CA6: variants seen among roughly 807,000 people sequenced by gnomAD.
CA6 encodes carbonate dehydratase VI.
CA6 carries 28 observed loss-of-function variants against 35.9 expected under a neutral mutation model. The observed-to-expected ratio is 0.78, with a 90% confidence interval of 0.58 to 1.07. The LOEUF (loss-of-function observed/expected upper bound fraction) is 1.07. CA6 is among the 50% of genes least tolerant of loss of function. CA6 has a pLI of 0.00. For missense variants in CA6, 377 were observed against 382.0 expected (o/e 0.99, Z 0.11); for synonymous variants, 148 against 152.6 (o/e 0.97, Z 0.22).
At chr1:8,969,650 G>GAT (rs1302614928) in intron 6 of CA6, among the ~76,000 whole-genome samples, 2 of 152,010 alleles carry the variant, frequency 1.3e-5, no homozygotes, top group African/African-American at 2.4e-5. Flanking sequence ...TGGGTGTGTA[G>GAT]ATATGTGTGT....
intron 2 of CA6, among the ~76,000 whole-genome samples, chr1:8,954,478 T>C (rs1326221809): frequency 6.6e-6 from 1 of 151,978 alleles, no homozygotes; most frequent in African/African-American, 2.4e-5. Flanking sequence ...TCCTTTATTT[T>C]CTTAATAAAC....
intron 1 of CA6, among the ~76,000 whole-genome samples, 181 bp from the exon 2 acceptor site, chr1:8,949,082 T>C (rs1423965110): frequency 6.6e-6 from 1 of 151,752 alleles, no homozygotes; most frequent in East Asian, 1.9e-4. Context: ...AACACCAGAG[T>C]CCTTGGAGTT....
intron 1 of CA6, among the ~76,000 whole-genome samples, chr1:8,946,398 G>T (rs1639365779): frequency 1.3e-5 from 2 of 151,962 alleles, no homozygotes; most frequent in Non-Finnish European, 2.9e-5. Context: ...TTGGGGGTCT[G>T]CTCATTGTGG....
rs1490934294 is a variant in CA6, at chr1:8,948,877, G to A, written c.80-386G>A. On this transcript the variant is annotated intron_variant, in intron 1 of 7. Coordinates refer to ENST00000377443, the MANE Select transcript of CA6 (RefSeq NM_001215.4). ...CCCAGCTACTCCGGAGGCTGATGCCGGATAATCTCTTGAATCTGGGAGGCA... is the reference window on the plus strand; with the variant it reads ...CCCAGCTACTCCGGAGGCTGATGCCAGATAATCTCTTGAATCTGGGAGGCA... Among the ~76,000 whole-genome samples the A allele has an allele frequency of 7.9e-5, 12 of 151,748 alleles. No individual in the cohort carries two copies. In the South Asian group the frequency reaches 1.0e-3, roughly 13 times the overall value.
intron 2 of CA6, among the ~76,000 whole-genome samples, chr1:8,955,184 G>A (rs993432106): frequency 6.6e-6 from 1 of 152,138 alleles, no homozygotes; most frequent in Non-Finnish European, 1.5e-5. Flanking sequence ...AGACCAGCCT[G>A]GGCAACATGG....
In CA6 at chr1:8,973,724, CTTTCTT is replaced by C. The variant is rs901943998; in HGVS notation, c.845-896_845-891del. Among the ~76,000 whole-genome samples, 3 of 15,870 alleles carry C rather than the reference CTTTCTT, an allele frequency of 1.9e-4. No homozygotes were observed. The Admixed American group carries it at 2.2e-3, about 12-fold the overall frequency. 10.4% of individuals were successfully genotyped at this position (15,870 alleles called of 152,430 possible). Reference sequence around the variant, plus strand: ...TTTCTTTCTCTCTCTTTCTTTCTTTCTTTCTTTCTTTCTTTCTTTCTTTCTTTCTTT... The same window carrying C: ...TTTCTTTCTCTCTCTTTCTTTCTTTCTCTTTCTTTCTTTCTTTCTTTCTTT... On this transcript the variant is annotated intron_variant, in intron 7 of 7. Transcript: ENST00000377443.
At chr1:8,962,699 G>A (rs1239833128) in intron 5 of CA6, 43 bp downstream of exon 5, 3 of 1,492,454 alleles carry the variant, frequency 2.0e-6, no homozygotes, top group Non-Finnish European at 2.8e-6. Flanking sequence ...AGGGGAATGA[G>A]TGTGAGTGTG....
intron 7 of CA6, among the ~76,000 whole-genome samples, chr1:8,971,726 C>T (rs1281308441): frequency 6.6e-6 from 1 of 152,232 alleles, no homozygotes; most frequent in Non-Finnish European, 1.5e-5. Flanking sequence ...GTTAACTAGA[C>T]CACATATTGT....
At position 8,974,824 on chromosome 1, in the gene CA6, G is replaced by C. The variant is rs1460873818; in HGVS notation, c.*120G>C. 1.7e-6 allele frequency: 1 copy of C among 578,594 alleles called. No homozygotes were observed. Among genetic ancestry groups the C allele is most frequent in the Admixed American group, 3.7e-5 (1 of 27,190 alleles). 35.8% of individuals were successfully genotyped at this position (578,594 alleles called of 1,614,324 possible). ...AAACCATGTGTGTCTGGAACACGCTGCTCCCCCTGGGGCAGCTGTTGGGAT... is the reference window on the plus strand; with the variant it reads ...AAACCATGTGTGTCTGGAACACGCTCCTCCCCCTGGGGCAGCTGTTGGGAT... On this transcript the variant is annotated 3_prime_UTR_variant, in exon 8 of 8. Coordinates refer to ENST00000377443, the MANE Select transcript of CA6 (RefSeq NM_001215.4).
chr1:8,961,526 ATT>A (rs1252115369), intron 4 of CA6, among the ~76,000 whole-genome samples: 1 of 152,222 alleles, frequency 6.6e-6, no homozygotes, highest in Non-Finnish European at 1.5e-5. Context: ...TATGGTAATC[ATT>A]TGAGCAACCA....
chr1:8,965,584 CATTCCTTTTA>C (rs1639947961), intron 5 of CA6, among the ~76,000 whole-genome samples: 1 of 151,998 alleles, frequency 6.6e-6, no homozygotes, highest in Non-Finnish European at 1.5e-5. Context: ...ATCAGAATTT[CATTCCTTTTA>C]AAGGCTGAAG....
intron 2 of CA6, among the ~76,000 whole-genome samples, chr1:8,949,755 C>T (rs1005335339): frequency 6.6e-6 from 1 of 152,180 alleles, no homozygotes; most frequent in Non-Finnish European, 1.5e-5. Flanking sequence ...TGAAGCCACC[C>T]TTCCCACGGG....
chr1:8,962,635 CT>C lies in CA6; in HGVS notation c.551del (p.Leu184ArgfsTer13). 6.2e-7 allele frequency: 1 copy of C among 1,613,844 alleles called. No individual in the cohort carries two copies. Among genetic ancestry groups the C allele is most frequent in the Admixed American group, 1.7e-5 (1 of 60,016 alleles). ...TTATTACAGCAACTTCATTTCTCAT[CT>C]GGCCAACATCAAGTACCCAGGTAAG... Reference protein sequence around the residue: ...NTYYSNFISHLANIKYPGQRT... With the variant: ...NTYYSNFISHXANIKYPGQRT... On this transcript the variant is annotated frameshift_variant, in exon 5 of 8. Coordinates refer to ENST00000377443, the MANE Select transcript of CA6 (RefSeq NM_001215.4). LOFTEE classifies it high-confidence loss of function.
intron 2 of CA6, among the ~76,000 whole-genome samples, chr1:8,956,786 C>A (rs1639695584): frequency 6.6e-6 from 1 of 152,254 alleles, no homozygotes; most frequent in Non-Finnish European, 1.5e-5. Flanking sequence ...AGCCCATTGG[C>A]CATAATTTTT....
intron 7 of CA6, among the ~76,000 whole-genome samples, chr1:8,973,989 A>G (rs991811230): frequency 3.3e-5 from 5 of 151,704 alleles, no homozygotes; most frequent in African/African-American, 9.7e-5. Flanking sequence ...ACACCCAGCT[A>G]ATTTTTGTAT....
intron 4 of CA6, among the ~76,000 whole-genome samples, chr1:8,959,230 C>T (rs1639769573): frequency 6.6e-6 from 1 of 152,124 alleles, no homozygotes; most frequent in South Asian, 2.1e-4. Context: ...GCTGGAATCC[C>T]AGAGGGGTTG....
At chr1:8,966,189 A>T (rs2124181477) in intron 5 of CA6, among the ~76,000 whole-genome samples, 1 of 152,098 alleles carries the variant, frequency 6.6e-6, no homozygotes, top group South Asian at 2.1e-4. Flanking sequence ...GGCTCACTGC[A>T]ACCTCCGCCT....
In CA6 at chr1:8,967,649, T is replaced by C. The variant is rs753221781; in HGVS notation, c.572-10T>C. On this transcript the variant is annotated splice_polypyrimidine_tract_variant and intron_variant, in intron 5 of 7. Transcript: ENST00000377443. ...CCTGACATTCTGTTACCTTCTGTCT[T>C]CTTGGTCAGGACAAAGAACAACCCT... The C allele has an allele frequency of 1.2e-6, 2 of 1,613,152 alleles. No individual in the cohort carries two copies. The highest frequency in any genetic ancestry group is 1.7e-6 in the Non-Finnish European group (2 of 1,179,462).
At position 8,962,569 on chromosome 1, in the gene CA6, C is replaced by T; in HGVS notation, c.502-18C>T. 6.2e-7 allele frequency: 1 copy of T among 1,605,078 alleles called. No homozygotes were observed. The highest frequency in any genetic ancestry group is 8.5e-7 in the Non-Finnish European group (1 of 1,171,742). ...GCCTCTTCTTCACTTACGCTCAGTG[C>T]TCTGTGTTTCTCTGCAGGTGAAGAA... On this transcript the variant is annotated intron_variant, in intron 4 of 7. Coordinates refer to ENST00000377443, the MANE Select transcript of CA6 (RefSeq NM_001215.4).
Sources: gnomAD v4.1 joint callset for allele counts (sites outside exome capture counted in the v4.1 genomes callset) on GRCh38, gnomAD v4.1.1 for gene constraint, MANE v1.5 for transcripts, NCBI Gene and HGNC (gene_info 2026-07-23, HGNC 2026-07-21) for gene names.